FRMD4A: variants seen among roughly 807,000 people sequenced by gnomAD.
FRMD4A encodes the protein FERM domain-containing protein 4A.
A neutral mutation model predicts 129.1 loss-of-function variants in FRMD4A; 29 were observed. The ratio of observed to expected loss-of-function variants is 0.22; its 90% confidence interval spans 0.17 to 0.31. The LOEUF is 0.31. Ranked by LOEUF, FRMD4A falls within the 10% of genes least tolerant of loss-of-function variation. The pLI, the probability that FRMD4A is intolerant of heterozygous loss-of-function variation, is 1.00. For synonymous variants in FRMD4A, 634 were observed against 571.6 expected (o/e 1.11, Z -1.56); for missense variants, 1,272 against 1,375.8 (o/e 0.92, Z 1.19).
chr10:14,260,172 A>C (rs973000773), intron 2 of FRMD4A, among the ~76,000 whole-genome samples: 1 of 152,160 alleles, frequency 6.6e-6, no homozygotes, highest in Admixed American at 6.5e-5. Flanking sequence ...CGGCAGGTGC[A>C]GTTTGGCTCC....
chr10:14,145,154 A>C (rs1358105446), intron 2 of FRMD4A, among the ~76,000 whole-genome samples: 2 of 152,210 alleles, frequency 1.3e-5, no homozygotes, highest in Non-Finnish European at 2.9e-5. Context: ...GGAGGCATCA[A>C]TAATACCCAC....
At chr10:13,955,495 T>C (rs2095405116) in intron 2 of FRMD4A, among the ~76,000 whole-genome samples, 1 of 152,222 alleles carries the variant, frequency 6.6e-6, no homozygotes, top group Non-Finnish European at 1.5e-5. Context: ...CTACATGGAC[T>C]ACCAATACAG....
chr10:14,071,914 G>A (rs909135710), intron 2 of FRMD4A, among the ~76,000 whole-genome samples: 4 of 152,022 alleles, frequency 2.6e-5, no homozygotes, highest in Non-Finnish European at 5.9e-5. Flanking sequence ...TGGTAGGAAG[G>A]GTTTCCTTCC....
chr10:14,055,006 T>C (rs900556877), intron 2 of FRMD4A, among the ~76,000 whole-genome samples: 2 of 152,140 alleles, frequency 1.3e-5, no homozygotes, highest in African/African-American at 4.8e-5. Flanking sequence ...TATGTCCTTA[T>C]AGCAGTGTGA....
At chr10:14,083,066 G>A (rs976460939) in intron 2 of FRMD4A, 2 of 152,188 alleles carry the variant, frequency 1.3e-5, no homozygotes, top group Admixed American at 6.5e-5. Context: ...GGGTCTGTCT[G>A]ACTGTAGAGC....
At chr10:14,277,405 T>A (rs1017388903) in intron 2 of FRMD4A, among the ~76,000 whole-genome samples, 2 of 152,184 alleles carry the variant, frequency 1.3e-5, no homozygotes, top group African/African-American at 4.8e-5. Context: ...GGGATTAGTG[T>A]GCTTGTAAAG....
chr10:14,306,845 A>G (rs1042128596), intron 2 of FRMD4A, among the ~76,000 whole-genome samples: 9 of 152,230 alleles, frequency 5.9e-5, no homozygotes, highest in African/African-American at 2.2e-4. Context: ...TTTACTTTAT[A>G]TATTCGAAAC....
At chr10:14,184,442 C>T (rs1012451555) in intron 2 of FRMD4A, among the ~76,000 whole-genome samples, 1 of 151,376 alleles carries the variant, frequency 6.6e-6, no homozygotes, top group East Asian at 1.9e-4. Flanking sequence ...GTTGAGTAAT[C>T]TCAGTTATTT....
At chr10:14,328,540 T>G (rs539322153) in intron 2 of FRMD4A, among the ~76,000 whole-genome samples, 1 of 152,068 alleles carries the variant, frequency 6.6e-6, no homozygotes, top group African/African-American at 2.4e-5. Context: ...CCTAAAGATA[T>G]TTTTCAAGAA....
At chr10:14,075,001 ATAGAGTAG>A in intron 2 of FRMD4A, among the ~76,000 whole-genome samples, 1 of 152,198 alleles carries the variant, frequency 6.6e-6, no homozygotes. Flanking sequence ...TCTATGTTTC[ATAGAGTAG>A]AATCAAAGAA....
chr10:13,664,481 G>T (rs1319789332), intron 18 of FRMD4A, among the ~76,000 whole-genome samples: 3 of 151,950 alleles, frequency 2.0e-5, no homozygotes, highest in African/African-American at 7.3e-5. Flanking sequence ...TAGAGCAAAA[G>T]AATTTTAAAA....
At chr10:13,868,756 G>A (rs531569579) in intron 2 of FRMD4A, among the ~76,000 whole-genome samples, 1 of 152,244 alleles carries the variant, frequency 6.6e-6, no homozygotes, top group East Asian at 1.9e-4. Context: ...CTGAGATCAG[G>A]CCACTGCACT....
chr10:13,979,564 T>C (rs1011783506), intron 2 of FRMD4A, among the ~76,000 whole-genome samples: 3 of 152,150 alleles, frequency 2.0e-5, no homozygotes, highest in African/African-American at 7.2e-5. Context: ...TTATAAGAGG[T>C]AAAAAGAGCT....
In FRMD4A at chr10:13,657,018, C is replaced by G. The variant is rs2082217364; in HGVS notation, c.2571G>C (p.Gln857His). 1 of 1,568,828 alleles carries G rather than the reference C, an allele frequency of 6.4e-7. No homozygotes were observed. Among genetic ancestry groups the G allele is most frequent in the Non-Finnish European group, 8.6e-7 (1 of 1,164,416 alleles). Residue 857 changes from glutamine to histidine, a missense_variant, in exon 22 of 25, where the codon CAG becomes CAC. Transcript: ENST00000357447. Reference sequence around the variant, plus strand: ...GAGCCTTGACGCTGTAGTGGCCCTCCTGGTCGCTCTCCAGGCTGCGCACCA... The same window carrying G: ...GAGCCTTGACGCTGTAGTGGCCCTCGTGGTCGCTCTCCAGGCTGCGCACCA... ...PVVVRSLESDQEGHYSVKAQF... is the reference protein window; with the variant it reads ...PVVVRSLESDHEGHYSVKAQF...
intron 2 of FRMD4A, among the ~76,000 whole-genome samples, chr10:14,176,763 C>A (rs926491205): frequency 3.9e-5 from 6 of 152,144 alleles, no homozygotes; most frequent in African/African-American, 1.2e-4. Context: ...TGAGCCACTG[C>A]ACCCAGACTT....
chr10:14,284,633 A>G (rs1205924534), intron 2 of FRMD4A, among the ~76,000 whole-genome samples: 2 of 152,234 alleles, frequency 1.3e-5, no homozygotes, highest in Non-Finnish European at 2.9e-5. Context: ...AGCCTGGGCG[A>G]CAGAGGGAAA....
intron 8 of FRMD4A, among the ~76,000 whole-genome samples, chr10:13,758,363 G>A (rs1445224437): frequency 6.6e-6 from 1 of 152,146 alleles, no homozygotes; most frequent in Non-Finnish European, 1.5e-5. Context: ...GCCTTTTCTA[G>A]GGTTCTGTGT....
At chr10:13,886,283 C>A (rs1423674365) in intron 2 of FRMD4A, among the ~76,000 whole-genome samples, 2 of 151,844 alleles carry the variant, frequency 1.3e-5, no homozygotes, top group Non-Finnish European at 2.9e-5. Flanking sequence ...GGCAAAAACC[C>A]TGCAAAGAAG....
Position 13,783,419 on chromosome 10 carries a change from C to T in FRMD4A, c.300-413G>A, listed in dbSNP as rs547623038. Among the ~76,000 whole-genome samples, 50 of 151,938 alleles carry T rather than the reference C, an allele frequency of 3.3e-4. 1 individual carries two copies. The highest frequency in any genetic ancestry group is 1.0e-3 in the South Asian group (5 of 4,806). Reference sequence around the variant, plus strand: ...TTTTTTCTTTTTTTAGACAGGGTCTCGCTCTGTTGTCCAGGCTGGAGTGCA... The same window carrying T: ...TTTTTTCTTTTTTTAGACAGGGTCTTGCTCTGTTGTCCAGGCTGGAGTGCA... On this transcript the variant is annotated intron_variant, in intron 5 of 24. Coordinates refer to ENST00000357447, the MANE Select transcript of FRMD4A (RefSeq NM_018027.5).
Sources: allele counts gnomAD v4.1 joint callset (sites outside exome capture counted in the v4.1 genomes callset), GRCh38; gene constraint gnomAD v4.1.1; transcripts MANE v1.5; gene names NCBI Gene and HGNC (gene_info 2026-07-23, HGNC 2026-07-21).